Variants in YAF2 observed in about 807,000 individuals in gnomAD.
YAF2 encodes YY1 associated factor 2.
Under a neutral mutation model 20.1 loss-of-function variants are expected in YAF2, and 7 were observed. That is an observed-to-expected ratio of 0.35 (90% confidence interval 0.20 to 0.65). The LOEUF (loss-of-function observed/expected upper bound fraction) is 0.65. YAF2 is among the 30% of genes least tolerant of loss of function. YAF2 has a pLI of 0.69. For missense variants in YAF2, 151 were observed against 219.2 expected, an observed-to-expected ratio of 0.69 and a Z score of 1.96; for synonymous variants, 74 against 76.0, an observed-to-expected ratio of 0.97 and a Z score of 0.14.
chr12:42,235,045 C>A, intron 2 of YAF2: 1 of 985,474 alleles, frequency 1.0e-6, no homozygotes, highest in Non-Finnish European at 1.2e-6. Context: ...TCAATCTTCT[C>A]TGCAGGTCTA....
At chr12:42,176,899 G>A (rs1238582106) in intron 2 of YAF2, among the ~76,000 whole-genome samples, 1 of 152,086 alleles carries the variant, frequency 6.6e-6, no homozygotes, top group Non-Finnish European at 1.5e-5. Context: ...CCCAGGAGGG[G>A]GAGGTTGCAG....
chr12:42,200,465 CTA>C (rs2066870463), intron 2 of YAF2, among the ~76,000 whole-genome samples: 1 of 152,154 alleles, frequency 6.6e-6, no homozygotes, highest in Non-Finnish European at 1.5e-5. Flanking sequence ...TCTTTTTCTA[CTA>C]TACACCAGTA....
rs190415265 is a variant in YAF2 at position 42,164,941 on chromosome 12, C to T, written c.153-3176G>A. Among the ~76,000 whole-genome samples, 349 of 151,222 alleles carry T rather than the reference C, an allele frequency of 2.3e-3. 1 individual carries two copies. Among genetic ancestry groups the T allele is most frequent in the African/African-American group, 7.9e-3 (324 of 41,234 alleles). ...ACAGAAATTGGCCAGTAAAGGTACG[C>T]GCCTGTAGGAGGCTGAGGTGGAAAA... is the stretch of plus-strand genomic sequence containing the variant. On this transcript the variant is annotated intron_variant, in intron 2 of 3. Coordinates refer to ENST00000534854, the MANE Select transcript of YAF2 (RefSeq NM_005748.6).
At chr12:42,233,833 A>G (rs1012989524) in intron 2 of YAF2, 3 of 985,256 alleles carry the variant, frequency 3.0e-6, no homozygotes, top group Non-Finnish European at 3.6e-6. Context: ...TTAATTTCCT[A>G]AAGTTTCTTG....
intron 2 of YAF2, chr12:42,233,088 A>G (rs1182097106): frequency 8.1e-6 from 8 of 985,238 alleles, no homozygotes; most frequent in Non-Finnish European, 9.6e-6. Flanking sequence ...CTCAATAAAC[A>G]TTTGCTGAAT....
intron 2 of YAF2, among the ~76,000 whole-genome samples, chr12:42,163,569 C>T (rs531631960): frequency 5.3e-5 from 8 of 151,994 alleles, no homozygotes; most frequent in African/African-American, 1.9e-4. Flanking sequence ...TCTTTTTATC[C>T]TAGGCTTACC....
intron 2 of YAF2, among the ~76,000 whole-genome samples, chr12:42,207,017 CCA>C (rs1432769088): frequency 1.3e-5 from 2 of 152,198 alleles, no homozygotes; most frequent in South Asian, 2.1e-4. Flanking sequence ...ACCCAAATAT[CCA>C]CACACTTTTT....
chr12:42,230,551 G>A (rs1174276433), intron 2 of YAF2, among the ~76,000 whole-genome samples: 4 of 152,144 alleles, frequency 2.6e-5, no homozygotes, highest in Non-Finnish European at 5.9e-5. Flanking sequence ...CATGTTAGTA[G>A]CATTCCAAAG....
chr12:42,180,736 G>A lies in YAF2; in HGVS notation c.153-18971C>T, dbSNP rs75457115. On this transcript the variant is annotated intron_variant, in intron 2 of 3. Coordinates refer to ENST00000534854, the MANE Select transcript of YAF2 (RefSeq NM_005748.6). ...GGCTGAGGCAGGTGGATCGCTTGAG[G>A]CCAGGAGTTTGAGACCAGCCTGGTC... 2.6e-4 allele frequency among the ~76,000 whole-genome samples: 40 copies of A among 152,178 alleles called. No homozygotes were observed. In the East Asian group the frequency reaches 6.0e-3, roughly 23 times the overall value.
chr12:42,224,723 T>C (rs1328197465), intron 2 of YAF2, among the ~76,000 whole-genome samples: 1 of 152,198 alleles, frequency 6.6e-6, no homozygotes, highest in Non-Finnish European at 1.5e-5. Flanking sequence ...TTTTTACAGC[T>C]GCATAGTATT....
intron 2 of YAF2, among the ~76,000 whole-genome samples, chr12:42,182,039 G>A (rs2066355111): frequency 6.6e-6 from 1 of 152,048 alleles, no homozygotes; most frequent in Non-Finnish European, 1.5e-5. Context: ...CAACATGAAA[G>A]TACCTCTCTG....
At chr12:42,226,000 T>C (rs1464601695) in intron 2 of YAF2, among the ~76,000 whole-genome samples, 8 of 152,248 alleles carry the variant, frequency 5.3e-5, no homozygotes, top group Non-Finnish European at 1.0e-4. Context: ...TGATTCTTCC[T>C]ATCCATGAGC....
rs536267857 is a variant in YAF2, at chr12:42,171,534, A to G, written c.153-9769T>C. Among the ~76,000 whole-genome samples the G allele has an allele frequency of 1.5e-3, 229 of 152,184 alleles. 3 individuals carry two copies. Among genetic ancestry groups the G allele is most frequent in the East Asian group, 1.2e-3 (6 of 5,184 alleles). On this transcript the variant is annotated intron_variant, in intron 2 of 3. Coordinates refer to ENST00000534854, the MANE Select transcript of YAF2 (RefSeq NM_005748.6). ...TAAAAAAAAAAGAAAGAAAGAAAGA[A>G]ATATGTTACTTGTAGAATTACTTTT...
At chr12:42,210,492 G>GT (rs1172208786) in intron 2 of YAF2, 3 of 1,536,004 alleles carry the variant, frequency 2.0e-6, no homozygotes, top group Admixed American at 3.9e-5. Context: ...ATGTAAGAAA[G>GT]TTTGGGGGAG....
intron 2 of YAF2, among the ~76,000 whole-genome samples, chr12:42,182,770 T>C (rs2066376288): frequency 2.0e-5 from 3 of 152,314 alleles, no homozygotes; most frequent in Middle Eastern, 6.8e-3. Context: ...GGAAAAAGAA[T>C]TTACATTTCA....
intron 2 of YAF2, among the ~76,000 whole-genome samples, chr12:42,178,951 G>A (rs995601367): frequency 6.6e-6 from 1 of 152,162 alleles, no homozygotes; most frequent in Non-Finnish European, 1.5e-5. Flanking sequence ...TACTCAGAAG[G>A]CTGAGGCGGG....
At position 42,229,419 on chromosome 12, in the gene YAF2, A is replaced by T. The variant is rs200563675; in HGVS notation, c.152+8180T>A. Among the ~76,000 whole-genome samples the T allele has an allele frequency of 4.2e-3, 199 of 47,576 alleles. 1 individual carries two copies. Among genetic ancestry groups the T allele is most frequent in the Non-Finnish European group, 4.7e-3 (107 of 22,700 alleles). 31.2% of individuals were successfully genotyped at this position (47,576 alleles called of 152,430 possible). A position where few individuals can be genotyped will look rare whatever the true frequency, so the allele number is the denominator to read the frequency against. The stretch of plus-strand genomic sequence containing the variant: ...CCAAGAATTATCAATAAAAAAATAA[A>T]TTAAAAAAAAAAAAAAACATTTAAA... On this transcript the variant is annotated intron_variant, in intron 2 of 3. Transcript: ENST00000534854.
At chr12:42,213,850 T>A (rs555122222) in intron 2 of YAF2, among the ~76,000 whole-genome samples, 7 of 152,178 alleles carry the variant, frequency 4.6e-5, no homozygotes, top group South Asian at 4.1e-4. Context: ...TTCTCTTTTA[T>A]CTAATCTCAA....
intron 2 of YAF2, among the ~76,000 whole-genome samples, chr12:42,207,945 A>G (rs1440566495): frequency 3.9e-5 from 6 of 152,112 alleles, no homozygotes; most frequent in Non-Finnish European, 5.9e-5. Flanking sequence ...TGAAAAGCTA[A>G]TATTTCAGTG....
Sources: allele counts gnomAD v4.1 joint callset (sites outside exome capture counted in the v4.1 genomes callset), GRCh38; gene constraint gnomAD v4.1.1; transcripts MANE v1.5; gene names NCBI Gene and HGNC (gene_info 2026-07-23, HGNC 2026-07-21).